The following APBB2 variants were observed in gnomAD, a reference collection of about 807,000 sequenced individuals.
APBB2 encodes amyloid beta precursor protein binding family B member 2.
Under a neutral mutation model 82.5 loss-of-function variants are expected in APBB2, and 38 were observed. That is an observed-to-expected ratio of 0.46 (90% CI 0.36 to 0.60). The LOEUF (loss-of-function observed/expected upper bound fraction) is 0.60, where lower values mean the gene tolerates loss of function less well. Among genes scored for constraint, APBB2 ranks in the 20% least tolerant of loss-of-function variants. The pLI, the probability that APBB2 is intolerant of heterozygous loss-of-function variation, is 0.00. For synonymous variants in APBB2, 341 were observed against 368.2 expected (o/e 0.93, Z 0.85); for missense variants, 772 against 972.3 (o/e 0.79, Z 2.74).
chr4:40,871,003 C>T (rs1303951846), intron 12 of APBB2, among the ~76,000 whole-genome samples: 1 of 43,824 alleles, frequency 2.3e-5, no homozygotes, highest in Non-Finnish European at 5.7e-5. Flanking sequence ...CGCGCCCAGC[C>T]ATACATATAT....
At chr4:41,150,757 T>C (rs1284120201) in intron 1 of APBB2, among the ~76,000 whole-genome samples, 1 of 152,206 alleles carries the variant, frequency 6.6e-6, no homozygotes, top group Admixed American at 6.5e-5. Context: ...TTGTTTGTTC[T>C]TGAGACAGAG....
chr4:40,929,550 T>C (rs1426589352), intron 10 of APBB2, among the ~76,000 whole-genome samples: 1 of 152,148 alleles, frequency 6.6e-6, no homozygotes, highest in Non-Finnish European at 1.5e-5. Flanking sequence ...CCACCCGCCG[T>C]GGCCTCCCAG....
intron 1 of APBB2, among the ~76,000 whole-genome samples, chr4:41,153,441 C>T (rs1430947004): frequency 6.6e-6 from 1 of 152,210 alleles, no homozygotes; most frequent in African/African-American, 2.4e-5. Flanking sequence ...GCACCATTCA[C>T]TCTCACCCAA....
At chr4:41,085,436 A>G (rs1310250824) in intron 3 of APBB2, among the ~76,000 whole-genome samples, 1 of 152,134 alleles carries the variant, frequency 6.6e-6, no homozygotes, top group Non-Finnish European at 1.5e-5. Context: ...AAATTTTCAG[A>G]CCACTGGTCC....
intron 6 of APBB2, among the ~76,000 whole-genome samples, chr4:40,996,301 A>G (rs939607128): frequency 1.3e-5 from 2 of 152,334 alleles, no homozygotes; most frequent in South Asian, 4.1e-4. Flanking sequence ...TAAGTATTTC[A>G]CTGTTTTTGT....
intron 6 of APBB2, among the ~76,000 whole-genome samples, chr4:41,005,510 C>T (rs1409954814): frequency 6.6e-6 from 1 of 151,978 alleles, no homozygotes; most frequent in East Asian, 1.9e-4. Flanking sequence ...GTGTTTTTGT[C>T]TCTCTGATCC....
intron 1 of APBB2, among the ~76,000 whole-genome samples, chr4:41,162,016 T>C (rs1460840371): frequency 6.6e-6 from 1 of 152,136 alleles, no homozygotes; most frequent in Admixed American, 6.5e-5. Flanking sequence ...ACCAGTTGCT[T>C]TGAAGTAAAT....
intron 4 of APBB2, among the ~76,000 whole-genome samples, chr4:41,058,070 G>A (rs1185696282): frequency 2.0e-5 from 3 of 152,202 alleles, no homozygotes; most frequent in African/African-American, 7.2e-5. Context: ...TGTTTCCAGA[G>A]TCTCATTCTG....
chr4:40,825,817 C>T (rs570805923), intron 15 of APBB2, 70 bp downstream of exon 15: 6 of 1,220,936 alleles, frequency 4.9e-6, no homozygotes, highest in East Asian at 2.3e-5. Context: ...TCACCCTCCT[C>T]GGAGGGCGAA....
intron 4 of APBB2, among the ~76,000 whole-genome samples, chr4:41,046,641 T>C (rs1190216672): frequency 1.3e-5 from 2 of 152,244 alleles, no homozygotes; most frequent in Non-Finnish European, 2.9e-5. Context: ...AGCAAGGATC[T>C]TGCTAAATGG....
chr4:40,881,379 T>C (rs1485622692), intron 12 of APBB2: 3 of 984,924 alleles, frequency 3.0e-6, no homozygotes, highest in Non-Finnish European at 1.2e-6. Flanking sequence ...ATCAGGAAAC[T>C]CTACTTCTTC....
chr4:41,076,749 T>C (rs1735759446), intron 3 of APBB2, among the ~76,000 whole-genome samples: 1 of 152,068 alleles, frequency 6.6e-6, no homozygotes, highest in South Asian at 2.1e-4. Context: ...AGACAGGAAC[T>C]TCAGGAGGGA....
At chr4:41,205,327 T>G (rs563524276) in intron 1 of APBB2, among the ~76,000 whole-genome samples, 11 of 152,212 alleles carry the variant, frequency 7.2e-5, no homozygotes, top group African/African-American at 2.4e-4. Flanking sequence ...CTTCACGGGA[T>G]TTTACAGAGA....
intron 4 of APBB2, among the ~76,000 whole-genome samples, chr4:41,048,424 G>A (rs73809459): frequency 0.08 from 12,132 of 152,188 alleles, 1,576 homozygotes; most frequent in African/African-American, 0.28. Flanking sequence ...CAGGCATTAT[G>A]TGTTAAGACT....
chr4:40,906,846 A>G (rs1229237440), intron 10 of APBB2, among the ~76,000 whole-genome samples: 2 of 152,154 alleles, frequency 1.3e-5, no homozygotes, highest in Non-Finnish European at 2.9e-5. Flanking sequence ...TGGCAAATTT[A>G]AGGTTTCCTA....
At chr4:41,029,688 C>T (rs1715910576) in intron 5 of APBB2, among the ~76,000 whole-genome samples, 1 of 151,190 alleles carries the variant, frequency 6.6e-6, no homozygotes, top group Non-Finnish European at 1.5e-5. Context: ...TAAACATATA[C>T]ATGTTTTATT....
rs138930916 is a variant in APBB2 at position 41,114,683 on chromosome 4, C to T, written c.-260-13933G>A. Among the ~76,000 whole-genome samples, 351 of 152,160 alleles carry T rather than the reference C, an allele frequency of 2.3e-3. 1 individual carries two copies. The highest frequency in any genetic ancestry group is 8.1e-3 in the African/African-American group (335 of 41,500). ...AGTATTCCTATACACCAATAATAGA[C>T]GAACAGAGAGCCAAATCATAAGTGA... On this transcript the variant is annotated intron_variant, in intron 2 of 17. Transcript: ENST00000508593.
chr4:40,882,762 T>C (rs1411716023), intron 12 of APBB2, among the ~76,000 whole-genome samples: 1 of 152,168 alleles, frequency 6.6e-6, no homozygotes, highest in South Asian at 2.1e-4. Context: ...AGCTGCTTAA[T>C]GACACTAGTA....
intron 6 of APBB2, among the ~76,000 whole-genome samples, chr4:40,984,784 T>C (rs1476845053): frequency 1.3e-5 from 2 of 152,234 alleles, no homozygotes; most frequent in African/African-American, 4.8e-5. Context: ...GAGGCTGACA[T>C]ACCCCAGTTC....
Sources: gnomAD v4.1 joint callset for allele counts (sites outside exome capture counted in the v4.1 genomes callset) on GRCh38, gnomAD v4.1.1 for gene constraint, MANE v1.5 for transcripts, NCBI Gene and HGNC (gene_info 2026-07-23, HGNC 2026-07-21) for gene names.